CKM: variants seen among roughly 807,000 people sequenced by gnomAD.
CKM encodes the protein creatine kinase, M-type.
CKM carries 28 observed loss-of-function variants against 35.4 expected under a neutral mutation model. The ratio of observed to expected loss-of-function variants is 0.79; its 90% CI spans 0.59 to 1.08. The LOEUF (loss-of-function observed/expected upper bound fraction) is 1.08, where lower values mean the gene tolerates loss of function less well. Ranked by LOEUF, CKM falls within the 50% of genes least tolerant of loss-of-function variation. The probability of loss-of-function intolerance (pLI) is 0.00; values close to 1 mark genes in which losing one functional copy is unlikely to be tolerated. For missense variants in CKM, 484 were observed against 509.8 expected, an observed-to-expected ratio of 0.95 and a Z score of 0.49; for synonymous variants, 215 against 204.4, an observed-to-expected ratio of 1.05 and a Z score of -0.44.
At chr19:45,314,911 T>G (rs1338841973) in intron 4 of CKM, among the ~76,000 whole-genome samples, 2 of 151,886 alleles carry the variant, frequency 1.3e-5, no homozygotes, top group East Asian at 3.9e-4. Context: ...AGGGTCTTGC[T>G]GTATTGCCCA....
At chr19:45,319,894 C>T (rs1307992675) in intron 1 of CKM, among the ~76,000 whole-genome samples, 163 bp from the exon 2 acceptor site, 1 of 151,330 alleles carries the variant, frequency 6.6e-6, no homozygotes, top group Non-Finnish European at 1.5e-5. Context: ...GGGTTCACAC[C>T]ATTCTCCCGC....
chr19:45,319,427 C>G lies in CKM; in HGVS notation c.193+94G>C, dbSNP rs536643687. 5.5e-3 allele frequency: 4,056 copies of G among 740,468 alleles called. 70 individuals are homozygous for G. The highest frequency in any genetic ancestry group is 0.033 in the Admixed American group (1,132 of 34,638). The allele number at this position is 740,468 out of a possible 1,614,324, so 45.9% of individuals were successfully genotyped here. On this transcript the variant is annotated intron_variant, in intron 2 of 7. Coordinates refer to ENST00000221476, the MANE Select transcript of CKM (RefSeq NM_001824.5). ...CATTTTACAGATGAGAAAACTGAGG[C>G]CCCCCCCCCTTCAAGGGTGGTGGGA...
Position 45,307,553 on chromosome 19 carries a change from C to T in CKM, c.875G>A (p.Arg292His). 1 of 1,614,154 alleles carries T rather than the reference C, an allele frequency of 6.2e-7. No homozygotes were observed. The highest frequency in any genetic ancestry group is 8.5e-7 in the Non-Finnish European group (1 of 1,180,002). ...TCPSNLGTGLRGGVHVKLAHL... is the reference protein window; with the variant it reads ...TCPSNLGTGLHGGVHVKLAHL... Reference sequence around the variant, plus strand: ...CGCCAGCTTCACATGCACGCCTCCACGCAGCCCAGTGCCCAGGTTGGATGG... The same window carrying T: ...CGCCAGCTTCACATGCACGCCTCCATGCAGCCCAGTGCCCAGGTTGGATGG... The change falls in exon 7 of 8, where the codon CGT becomes CAT. Residue 292 changes from arginine (R) to histidine (H), a missense_variant. By Grantham distance (29) the Arg-to-His change is conservative (BLOSUM62 0). Transcript: ENST00000221476.
chr19:45,312,832 T>A (rs1227255965), intron 4 of CKM, among the ~76,000 whole-genome samples: 1 of 151,344 alleles, frequency 6.6e-6, no homozygotes, highest in Non-Finnish European at 1.5e-5. Flanking sequence ...CACACGCCTG[T>A]AATCCCAGCT....
At chr19:45,319,200 C>T (rs1971187546) in intron 2 of CKM, among the ~76,000 whole-genome samples, 1 of 152,212 alleles carries the variant, frequency 6.6e-6, no homozygotes, top group South Asian at 2.1e-4. Context: ...AGGTGCCACT[C>T]TAAGCACTGC....
chr19:45,318,424 AAGAG>A (rs1279473960), intron 2 of CKM, among the ~76,000 whole-genome samples: 3 of 151,318 alleles, frequency 2.0e-5, no homozygotes, highest in Admixed American at 1.3e-4. Flanking sequence ...AAAAAAAAAA[AAGAG>A]AGAACACTGA....
At position 45,307,402 on chromosome 19, in the gene CKM, T is replaced by G. The variant is rs1971063067; in HGVS notation, c.967+59A>C. On this transcript the variant is annotated intron_variant, in intron 7 of 7. Transcript: ENST00000221476. ...CAGGGATGTCGCACCTCTCCTTGCATCCCTGCAAAGGGCCCTCGCTCCCCC... is the reference window on the plus strand; with the variant it reads ...CAGGGATGTCGCACCTCTCCTTGCAGCCCTGCAAAGGGCCCTCGCTCCCCC... 9 of 1,531,556 alleles carry G rather than the reference T, an allele frequency of 5.9e-6. No individual in the cohort carries two copies. In the East Asian group the frequency reaches 2.1e-4, roughly 35 times the overall value. The allele number at this position is 1,531,556 out of a possible 1,614,324, so 94.9% of individuals were successfully genotyped here. A position where few individuals can be genotyped will look rare whatever the true frequency, so the allele number is the denominator to read the frequency against.
intron 5 of CKM, among the ~76,000 whole-genome samples, chr19:45,310,589 C>G (rs1320042754): frequency 2.6e-5 from 4 of 151,780 alleles, no homozygotes; most frequent in Non-Finnish European, 5.9e-5. Context: ...AATGGTAGAG[C>G]TGGGATTTGA....
chr19:45,308,364 G>C, intron 6 of CKM, 45 bp downstream of exon 6: 2 of 1,613,008 alleles, frequency 1.2e-6, no homozygotes, highest in Non-Finnish European at 1.7e-6. Context: ...CAGGTGGGGC[G>C]TTCAAGGTGG....
chr19:45,313,719 T>G (rs1414787951), intron 4 of CKM, among the ~76,000 whole-genome samples: 2 of 152,156 alleles, frequency 1.3e-5, no homozygotes, highest in African/African-American at 4.8e-5. Context: ...TGGTGGCGCA[T>G]GCCGGTGATC....
chr19:45,318,453 T>A (rs1053688569), intron 2 of CKM, among the ~76,000 whole-genome samples: 8 of 145,310 alleles, frequency 5.5e-5, no homozygotes, highest in African/African-American at 2.0e-4. Context: ...TGGTGGGAAC[T>A]GGGAGGGAAG....
intron 3 of CKM, 27 bp downstream of exon 3, chr19:45,317,798 G>T: frequency 6.2e-7 from 1 of 1,613,242 alleles, no homozygotes; most frequent in Non-Finnish European, 8.5e-7. Flanking sequence ...TCACCCCTCG[G>T]CCCTCCCCTC....
chr19:45,311,725 C>G, intron 5 of CKM, 24 bp downstream of exon 5: 1 of 1,547,072 alleles, frequency 6.5e-7, no homozygotes. Context: ...GAAGAGGAAG[C>G]CAGGGGGCGG....
Position 45,307,620 on chromosome 19 carries a change from G to T in CKM, c.808C>A (p.Pro270Thr), listed in dbSNP as rs1450101915. The T allele has an allele frequency of 4.3e-6, 7 of 1,613,924 alleles. No individual in the cohort carries two copies. The East Asian group carries it at 1.6e-4, about 36-fold the overall frequency. The change falls in exon 7 of 8, where the codon CCC becomes ACC. Residue 270 changes from proline to threonine, a missense_variant. Pro to Thr is a conservative substitution (Grantham distance 38). Transcript: ENST00000221476. Reference protein sequence around the residue: ...IEEIFKKAGHPFMWNQHLGYV... With the variant: ...IEEIFKKAGHTFMWNQHLGYV... Reference sequence around the variant, plus strand: ...CCCAGGTGCTGGTTCCACATGAAGGGGTGGCCAGCTTTCTTAAAGATCTCC... The same window carrying T: ...CCCAGGTGCTGGTTCCACATGAAGGTGTGGCCAGCTTTCTTAAAGATCTCC...
At chr19:45,322,620 TG>T (rs1324018092) in intron 1 of CKM, among the ~76,000 whole-genome samples, 200 bp downstream of exon 1, 1 of 152,004 alleles carries the variant, frequency 6.6e-6, no homozygotes, top group Admixed American at 6.6e-5. Flanking sequence ...CAGGTCCCAG[TG>T]GGGGGTTCAG....
At position 45,307,520 on chromosome 19, in the gene CKM, C is replaced by G; in HGVS notation, c.908G>C (p.Ser303Thr). The G allele has an allele frequency of 6.2e-7, 1 of 1,614,036 alleles. No homozygotes were observed. The stretch of plus-strand genomic sequence containing the variant: ...GATCTCCTCGAACTTGGGGTGCTTG[C>G]TCAGGTGCGCCAGCTTCACATGCAC... ...GGVHVKLAHL[S>T]KHPKFEEILT... is the part of the protein sequence containing the mutation. Residue 303 changes from serine (S) to threonine (T), a missense_variant, in exon 7 of 8, where the codon AGC (serine) becomes ACC (threonine). Ser to Thr is a moderately conservative substitution (Grantham distance 58, BLOSUM62 1). Coordinates refer to ENST00000221476, the MANE Select transcript of CKM (RefSeq NM_001824.5).
intron 2 of CKM, 31 bp from the exon 3 acceptor site, chr19:45,318,010 TTG>T: frequency 6.2e-7 from 1 of 1,609,220 alleles, no homozygotes; most frequent in Non-Finnish European, 8.5e-7. Context: ...TCAGAGCTGC[TTG>T]TCCCCAGCAA....
chr19:45,309,389 C>T (rs1354315277), intron 5 of CKM, among the ~76,000 whole-genome samples: 3 of 151,116 alleles, frequency 2.0e-5, no homozygotes, highest in East Asian at 3.9e-4. Context: ...ACCCACATAT[C>T]TACAAAATTT....
chr19:45,308,393 A>G lies in CKM; in HGVS notation c.777+16T>C, dbSNP rs1261536707. 5.0e-6 allele frequency: 8 copies of G among 1,614,044 alleles called. No individual in the cohort carries two copies. Among genetic ancestry groups the G allele is most frequent in the Non-Finnish European group, 6.8e-6 (8 of 1,179,940 alleles). ...AAGGTGGAGTCAGAAGTCAGCAGCT[A>G]AGGGCAGACACCCACCTTCTGCAGC... On this transcript the variant is annotated intron_variant, in intron 6 of 7. Transcript: ENST00000221476.
Sources: gnomAD v4.1 joint callset for allele counts (sites outside exome capture counted in the v4.1 genomes callset) on GRCh38, gnomAD v4.1.1 for gene constraint, MANE v1.5 for transcripts, NCBI Gene and HGNC (gene_info 2026-07-23, HGNC 2026-07-21) for gene names.